The following ZNF653 variants were observed in gnomAD, a reference collection of about 807,000 sequenced individuals.
ZNF653 encodes the protein 67 kDa zinc finger protein.
A neutral mutation model predicts 59.9 loss-of-function variants in ZNF653; 37 were observed. The observed-to-expected ratio is 0.62, with a 90% CI of 0.48 to 0.81. The LOEUF is 0.81. Ranked by LOEUF, ZNF653 falls within the 40% of genes least tolerant of loss-of-function variation. ZNF653 has a pLI of 0.00. For missense variants in ZNF653, 808 were observed against 881.1 expected (o/e 0.92, Z 1.05); for synonymous variants, 435 against 371.8 (o/e 1.17, Z -1.96).
At chr19:11,496,562 CCCT>C (rs1347403940) in intron 2 of ZNF653, among the ~76,000 whole-genome samples, 5 of 151,880 alleles carry the variant, frequency 3.3e-5, no homozygotes, top group African/African-American at 1.2e-4. Context: ...CAAGTCTGTT[CCCT>C]CCTCTGCTCA....
rs372483820 is a variant in ZNF653, at chr19:11,486,832, G to C, written c.1392C>G (p.Leu464=). 5.0e-6 allele frequency: 8 copies of C among 1,612,068 alleles called. No homozygotes were observed. The South Asian group carries it at 6.6e-5, about 13-fold the overall frequency. The change falls in exon 6 of 9, where the codon CTC becomes CTG. Residue 464 remains leucine (L), a synonymous_variant. Coordinates refer to ENST00000293771, the MANE Select transcript of ZNF653 (RefSeq NM_138783.4). ...RSRVMDADGL[L]EMFHCPYEGC... is the part of the protein sequence containing the mutation. The stretch of plus-strand genomic sequence containing the variant: ...CCTCGTATGGGCAGTGGAACATCTC[G>C]AGCAGGCCGTCAGCATCCATCACCC...
At position 11,485,778 on chromosome 19, in the gene ZNF653, C is replaced by T. The variant is rs770259400; in HGVS notation, c.1456-8G>A. On this transcript the variant is annotated splice_polypyrimidine_tract_variant and splice_region_variant and intron_variant, in intron 6 of 8. Transcript: ENST00000293771. ...CACAAGATTGACGTGGTTCTGGAGACGAGACAGGCAGAAGTGGGTCCCATA... is the reference window on the plus strand; with the variant it reads ...CACAAGATTGACGTGGTTCTGGAGATGAGACAGGCAGAAGTGGGTCCCATA... 19 of 1,610,526 alleles carry T rather than the reference C, an allele frequency of 1.2e-5. No individual in the cohort carries two copies. The highest frequency in any genetic ancestry group is 1.1e-4 in the East Asian group (5 of 44,798).
At chr19:11,492,680 A>G (rs1971541126) in intron 3 of ZNF653, among the ~76,000 whole-genome samples, 1 of 152,060 alleles carries the variant, frequency 6.6e-6, no homozygotes, top group Non-Finnish European at 1.5e-5. Flanking sequence ...CCTGCTTACA[A>G]TCCGCTTCCC....
rs1369049044 is a variant in ZNF653, at chr19:11,498,465, A to G, written c.300-126T>C. 7 of 1,283,630 alleles carry G rather than the reference A, an allele frequency of 5.5e-6. No individual in the cohort carries two copies. In the East Asian group the frequency reaches 1.2e-4, roughly 22 times the overall value. The allele number at this position is 1,283,630 out of a possible 1,614,324, so 79.5% of individuals were successfully genotyped here. On this transcript the variant is annotated intron_variant, in intron 1 of 8. Transcript: ENST00000293771. ...TGAAACTAAATCTGAACTTTTTGAG[A>G]TGGAGTCTCACTGTGTTGCCCAGGC...
chr19:11,490,944 T>G lies in ZNF653; in HGVS notation c.560-3041A>C, dbSNP rs1471989035. On this transcript the variant is annotated intron_variant, in intron 3 of 8. Transcript: ENST00000293771. Reference sequence around the variant, plus strand: ...TCTCCAGTGGCTCAGGCCAAAGTCCTGGGGCTCTTGTTGACTTCTCTCTCT... The same window carrying G: ...TCTCCAGTGGCTCAGGCCAAAGTCCGGGGGCTCTTGTTGACTTCTCTCTCT... 3.3e-5 allele frequency among the ~76,000 whole-genome samples: 5 copies of G among 152,332 alleles called. No homozygotes were observed. In the East Asian group the frequency reaches 9.6e-4, roughly 29 times the overall value.
chr19:11,495,732 A>G lies in ZNF653; in HGVS notation c.559+218T>C, dbSNP rs1330667565. The stretch of plus-strand genomic sequence containing the variant: ...GGCACAGATTGGCAAACTGCTCCAT[A>G]AAGAGGGACTGCCTCCCCACTCAAG... On this transcript the variant is annotated intron_variant, in intron 3 of 8. Transcript: ENST00000293771. The surrounding 1 kb of genome is among the most constrained non-coding windows in gnomAD (Gnocchi z 4.9). The G allele has an allele frequency of 1.8e-6, 1 of 565,380 alleles. No individual in the cohort carries two copies. Among genetic ancestry groups the G allele is most frequent in the East Asian group, 3.1e-5 (1 of 32,658 alleles). The allele number at this position is 565,380 out of a possible 1,614,324, so 35.0% of individuals were successfully genotyped here.
chr19:11,489,893 C>T (rs1283766516), intron 3 of ZNF653, among the ~76,000 whole-genome samples: 2 of 152,240 alleles, frequency 1.3e-5, no homozygotes, highest in Admixed American at 1.3e-4. Context: ...GGCCTCTCCT[C>T]AGCGCTCACC....
chr19:11,495,978 G>A lies in ZNF653; in HGVS notation c.531C>T (p.Leu177=), dbSNP rs775779409. The change falls in exon 3 of 9, where the codon CTC becomes CTT. Residue 177 remains leucine (L), a synonymous_variant. Transcript: ENST00000293771. This position sits in a 1 kb window ranked among gnomAD's most constrained non-coding sequence, Gnocchi z 4.9. The stretch of plus-strand genomic sequence containing the variant: ...TGTCACTGTCAGGGTCTGAGTCGCT[G>A]AGGGGCTTCAGGGGCGAATGCAGGT... The part of the protein sequence containing the change: ...FQDLHSPLKP[L]SDSDPDSDKV... The A allele has an allele frequency of 1.2e-6, 2 of 1,614,150 alleles. No individual in the cohort carries two copies. The highest frequency in any genetic ancestry group is 1.7e-6 in the Non-Finnish European group (2 of 1,180,012).
rs1971487547 is a variant in ZNF653, at chr19:11,487,885, GC to G, written c.577del (p.Ala193LeufsTer127). The G allele has an allele frequency of 6.3e-7, 1 of 1,595,330 alleles. No homozygotes were observed. Among genetic ancestry groups the G allele is most frequent in the Non-Finnish European group, 8.6e-7 (1 of 1,168,356 alleles). On this transcript the variant is annotated frameshift_variant, in exon 4 of 9. Coordinates refer to ENST00000293771, the MANE Select transcript of ZNF653 (RefSeq NM_138783.4). LOFTEE classifies it high-confidence loss of function. This position sits in a 1 kb window ranked among gnomAD's most constrained non-coding sequence, Gnocchi z 5.1. Reference protein sequence around the residue: ...DSDKVGNGLVAGSSDSSSSGS... With the variant: ...DSDKVGNGLVXGSSDSSSSGS... ...AGAGCTGGATGAGTCAGAGCTGCCA[GC>G]CACCAGCCCATTGCCCACTGTGGGG...
At chr19:11,498,581 T>C (rs1233821956) in intron 1 of ZNF653, among the ~76,000 whole-genome samples, 2 of 151,842 alleles carry the variant, frequency 1.3e-5, no homozygotes, top group African/African-American at 4.8e-5. Flanking sequence ...GTAGCTGGGA[T>C]TACAGGTGCA....
At position 11,496,016 on chromosome 19, in the gene ZNF653, G is replaced by A. The variant is rs781015204; in HGVS notation, c.493C>T (p.Arg165Cys). 1.9e-6 allele frequency: 3 copies of A among 1,614,154 alleles called. No homozygotes were observed. Among genetic ancestry groups the A allele is most frequent in the South Asian group, 2.2e-5 (2 of 91,086 alleles). ...TAVWQCEAGH[R>C]YFQDLHSPLK... Reference sequence around the variant, plus strand: ...GGCGAATGCAGGTCCTGGAAGTAGCGGTGGCCAGCTTCGCACTGCCACACG... The same window carrying A: ...GGCGAATGCAGGTCCTGGAAGTAGCAGTGGCCAGCTTCGCACTGCCACACG... Residue 165 changes from arginine (R) to cysteine (C), a missense_variant, in exon 3 of 9, where the codon CGC becomes TGC. Transcript: ENST00000293771.
intron 1 of ZNF653, among the ~76,000 whole-genome samples, 161 bp from the exon 2 acceptor site, chr19:11,498,500 G>T (rs1013403257): frequency 6.6e-6 from 1 of 152,222 alleles, no homozygotes; most frequent in East Asian, 1.9e-4. Context: ...CTAGAGTGCA[G>T]TGGTGAGATC....
chr19:11,496,155 G>C lies in ZNF653; in HGVS notation c.354C>G (p.Arg118=). The change falls in exon 3 of 9, where the codon CGC becomes CGG. Residue 118 remains arginine, a synonymous_variant. Coordinates refer to ENST00000293771, the MANE Select transcript of ZNF653 (RefSeq NM_138783.4). Reference sequence around the variant, plus strand: ...CCACGTTCTTCAGGCAGTTCACGTTGCGTCGCCGCCCTATGGACACAGGGC... The same window carrying C: ...CCACGTTCTTCAGGCAGTTCACGTTCCGTCGCCGCCCTATGGACACAGGGC... The part of the protein sequence containing the change: ...KKPKRKKRRR[R]NVNCLKNVVI... The C allele has an allele frequency of 4.3e-6, 7 of 1,613,752 alleles. No homozygotes were observed. The highest frequency in any genetic ancestry group is 5.9e-6 in the Non-Finnish European group (7 of 1,179,968).
chr19:11,490,007 G>A (rs944302215), intron 3 of ZNF653, among the ~76,000 whole-genome samples: 1 of 152,044 alleles, frequency 6.6e-6, no homozygotes, highest in Non-Finnish European at 1.5e-5. Flanking sequence ...TTATCTTCCC[G>A]GAGTGGGCGT....
intron 6 of ZNF653, 126 bp from the exon 7 acceptor site, chr19:11,485,896 A>G (rs529842823): frequency 5.7e-6 from 4 of 697,624 alleles, no homozygotes; most frequent in East Asian, 5.0e-5. Flanking sequence ...GAAGAGGGGT[A>G]CCCTTGCCCA....
chr19:11,495,874 G>A lies in ZNF653; in HGVS notation c.559+76C>T. 2 of 1,437,356 alleles carry A rather than the reference G, an allele frequency of 1.4e-6. No individual in the cohort carries two copies. The highest frequency in any genetic ancestry group is 1.9e-6 in the Non-Finnish European group (2 of 1,054,656). 89.0% of individuals were successfully genotyped at this position (1,437,356 alleles called of 1,614,324 possible). On this transcript the variant is annotated intron_variant, in intron 3 of 8. Transcript: ENST00000293771. The surrounding 1 kb of genome is among the most constrained non-coding windows in gnomAD (Gnocchi z 4.9). ...AGCCACTGTGGCTGCTATTCTGTTT[G>A]TGATGCTAGCCTAGGGCTCGTAAGA...
intron 1 of ZNF653, 76 bp from the exon 2 acceptor site, chr19:11,498,415 G>A (rs1971610384): frequency 6.3e-7 from 1 of 1,591,214 alleles, no homozygotes; most frequent in African/African-American, 1.3e-5. Context: ...AACAACAGTG[G>A]CTAGAGCCAC....
chr19:11,492,340 G>C (rs1471066084), intron 3 of ZNF653, among the ~76,000 whole-genome samples: 1 of 152,120 alleles, frequency 6.6e-6, no homozygotes, highest in African/African-American at 2.4e-5. Context: ...ACCACGCCCA[G>C]CCTGTATTTT....
chr19:11,499,318 G>C (rs1195988568), intron 1 of ZNF653, among the ~76,000 whole-genome samples: 2 of 152,202 alleles, frequency 1.3e-5, no homozygotes. Flanking sequence ...TCCCCTGAGC[G>C]GGGCAGGCCT....
Sources: gnomAD v4.1 joint callset for allele counts (sites outside exome capture counted in the v4.1 genomes callset) on GRCh38, gnomAD v4.1.1 for gene constraint, Gnocchi (gnomAD v3.1) non-coding constraint, MANE v1.5 for transcripts, NCBI Gene and HGNC (gene_info 2026-07-23, HGNC 2026-07-21) for gene names.